The following HYAL4 variants were observed in gnomAD, a reference collection of about 807,000 sequenced individuals.
HYAL4 encodes the protein hyaluronidase 4, also known as hyaluronidase-4.
Under a neutral mutation model 35.2 loss-of-function variants are expected in HYAL4, and 37 were observed. The ratio of observed to expected loss-of-function variants is 1.05; its 90% CI spans 0.81 to 1.38. The LOEUF is 1.38. HYAL4 is among the 40% of genes most tolerant of loss of function. HYAL4 has a pLI of 0.00. For synonymous variants in HYAL4, 198 were observed against 203.2 expected (o/e 0.97, Z 0.22); for missense variants, 572 against 572.4 (o/e 1.00, Z 0.01).
intron 2 of HYAL4, among the ~76,000 whole-genome samples, chr7:123,852,556 G>A (rs1197153920): frequency 6.6e-6 from 1 of 151,920 alleles, no homozygotes; most frequent in Admixed American, 6.6e-5. Flanking sequence ...TGTACATGTG[G>A]TGTTATTTCT....
In HYAL4 at chr7:123,868,674, C is replaced by G. The variant is rs754927871; in HGVS notation, c.401C>G (p.Pro134Arg). 6.2e-7 allele frequency: 1 copy of G among 1,613,634 alleles called. No homozygotes were observed. Among genetic ancestry groups the G allele is most frequent in the Admixed American group, 1.7e-5 (1 of 59,940 alleles). The change falls in exon 3 of 5, where the codon CCT becomes CGT. Residue 134 changes from proline to arginine, a missense_variant. Physicochemically the swap from Pro to Arg is moderately radical, Grantham distance 103. Coordinates refer to ENST00000223026, the MANE Select transcript of HYAL4 (RefSeq NM_012269.3). ...KADQDINYYIPAEDFSGLAVI... is the reference protein window; with the variant it reads ...KADQDINYYIRAEDFSGLAVI... ...GACCAAGATATTAATTATTACATCCCTGCTGAAGATTTCAGTGGACTTGCT... is the reference window on the plus strand; with the variant it reads ...GACCAAGATATTAATTATTACATCCGTGCTGAAGATTTCAGTGGACTTGCT...
chr7:123,817,238 G>A, the HYAL4 span, among the ~76,000 whole-genome samples: 1 of 151,826 alleles, frequency 6.6e-6, no homozygotes, highest in Admixed American at 6.6e-5. Context: ...TAACATCCTC[G>A]GTTTCTTATC....
At chr7:123,832,646 C>T (rs748964313) in intron 1 of HYAL4, among the ~76,000 whole-genome samples, 9 of 151,622 alleles carry the variant, frequency 5.9e-5, no homozygotes, top group Non-Finnish European at 1.2e-4. Context: ...ACTACAGGTG[C>T]CCACCACCAT....
At chr7:123,826,368 C>T (rs536569263), upstream of HYAL4, among the ~76,000 whole-genome samples, 2 of 152,220 alleles carry the variant, frequency 1.3e-5, no homozygotes, top group African/African-American at 2.4e-5. Flanking sequence ...GCAAGCCACT[C>T]AGTACCCCAT....
At chr7:123,768,545 C>T in the HYAL4 span, among the ~76,000 whole-genome samples, 2 of 152,190 alleles carry the variant, frequency 1.3e-5, no homozygotes, top group African/African-American at 4.8e-5. Context: ...TTATGATCAT[C>T]TGATAGACTT....
chr7:123,791,624 T>A, the HYAL4 span, among the ~76,000 whole-genome samples: 1 of 152,198 alleles, frequency 6.6e-6, no homozygotes, highest in Non-Finnish European at 1.5e-5. Flanking sequence ...TTGGCTCCAC[T>A]TGGGTGCTGT....
chr7:123,845,103 C>T (rs553687786), upstream of HYAL4: 91 of 152,104 alleles, frequency 6.0e-4, no homozygotes, highest in South Asian at 1.5e-3. Flanking sequence ...CCGTCTTCTG[C>T]GTCGATCATG....
At chr7:123,783,052 C>T in the HYAL4 span, among the ~76,000 whole-genome samples, 2 of 151,566 alleles carry the variant, frequency 1.3e-5, no homozygotes, top group Non-Finnish European at 2.9e-5. Flanking sequence ...AAGTCAAAAG[C>T]GTTTGACTTT....
chr7:123,798,353 G>GGA, the HYAL4 span, among the ~76,000 whole-genome samples: 1 of 152,092 alleles, frequency 6.6e-6, no homozygotes, highest in African/African-American at 2.4e-5. Flanking sequence ...GAAAGAGTAG[G>GGA]TGTGTTCCTT....
chr7:123,767,995 C>T, the HYAL4 span, among the ~76,000 whole-genome samples: 8 of 152,078 alleles, frequency 5.3e-5, no homozygotes, highest in African/African-American at 1.4e-4. Flanking sequence ...GGACTGCTTA[C>T]GCTAAAAAAG....
At position 123,877,375 on chromosome 7, in the gene HYAL4, G is replaced by A; in HGVS notation, c.*220G>A. On this transcript the variant is annotated 3_prime_UTR_variant, in exon 5 of 5. Transcript: ENST00000223026. ...AGTCAATGTACACTTCCTCCTTATT[G>A]GAATATTTAAGTTGCATTTAAACTA... 2 of 451,208 alleles carry A rather than the reference G, an allele frequency of 4.4e-6. No homozygotes were observed. Among genetic ancestry groups the A allele is most frequent in the Non-Finnish European group, 7.8e-6 (2 of 257,046 alleles). The allele number at this position is 451,208 out of a possible 1,614,324, so 28.0% of individuals were successfully genotyped here. A position where few individuals can be genotyped will look rare whatever the true frequency, so the allele number is the denominator to read the frequency against.
the HYAL4 span, among the ~76,000 whole-genome samples, chr7:123,801,588 C>T: frequency 4.6e-5 from 7 of 152,150 alleles, no homozygotes; most frequent in South Asian, 2.1e-4. Flanking sequence ...GCAGTTTAAA[C>T]GTTCTCTATA....
chr7:123,839,632 C>A (rs1172167959), intron 1 of HYAL4, among the ~76,000 whole-genome samples: 1 of 152,172 alleles, frequency 6.6e-6, no homozygotes, highest in Non-Finnish European at 1.5e-5. Context: ...TTGTCCACAT[C>A]CTCTCCAGCA....
At chr7:123,815,309 T>C in the HYAL4 span, among the ~76,000 whole-genome samples, 1 of 152,186 alleles carries the variant, frequency 6.6e-6, no homozygotes, top group African/African-American at 2.4e-5. Flanking sequence ...ATTTAAATAA[T>C]GTAACAGACA....
chr7:123,836,608 G>A (rs116461523), intron 1 of HYAL4, among the ~76,000 whole-genome samples: 3,190 of 151,410 alleles, frequency 0.021, 104 homozygotes, highest in African/African-American at 0.073. Flanking sequence ...TAAGGTACTA[G>A]TCCATACATT....
At chr7:123,826,741 G>A (rs1364544333), upstream of HYAL4, among the ~76,000 whole-genome samples, 3 of 152,070 alleles carry the variant, frequency 2.0e-5, no homozygotes, top group African/African-American at 7.2e-5. Context: ...ACTGTATTTA[G>A]AACAGATTGT....
the HYAL4 span, among the ~76,000 whole-genome samples, chr7:123,818,790 CT>C: frequency 5.9e-4 from 90 of 151,740 alleles, no homozygotes; most frequent in Non-Finnish European, 1.1e-3. Context: ...GCCTTTTTTT[CT>C]GTGTATTAAA....
At chr7:123,870,362 AG>A (rs1806844163) in intron 3 of HYAL4, among the ~76,000 whole-genome samples, 1 of 152,244 alleles carries the variant, frequency 6.6e-6, no homozygotes, top group African/African-American at 2.4e-5. Context: ...TGAAGGAGGA[AG>A]GAAAAAAAGT....
intron 4 of HYAL4, among the ~76,000 whole-genome samples, chr7:123,875,462 GC>G (rs1806987430): frequency 6.6e-6 from 1 of 151,876 alleles, no homozygotes; most frequent in Admixed American, 6.6e-5. Context: ...TTCGAGACCA[GC>G]CTGACTGACA....
Sources: gnomAD v4.1 joint callset for allele counts (sites outside exome capture counted in the v4.1 genomes callset) on GRCh38, gnomAD v4.1.1 for gene constraint, MANE v1.5 for transcripts, NCBI Gene and HGNC (gene_info 2026-07-23, HGNC 2026-07-21) for gene names.